LIPI: variants seen among roughly 807,000 people sequenced by gnomAD.
The protein encoded by LIPI is lipase I.
In LIPI, 59 loss-of-function variants were observed where a neutral mutation model predicts 50.6. The observed-to-expected ratio is 1.16, with a 90% CI of 0.94 to 1.45. The LOEUF (loss-of-function observed/expected upper bound fraction) is 1.45, where lower values mean the gene tolerates loss of function less well. LIPI is among the 40% of genes most tolerant of loss of function. LIPI has a pLI of 0.00. For missense variants in LIPI, 586 were observed against 536.3 expected, an observed-to-expected ratio of 1.09 and a Z score of -0.92; for synonymous variants, 203 against 178.2, an observed-to-expected ratio of 1.14 and a Z score of -1.11.
At chr21:14,127,955 C>G (rs8128757) in intron 9 of LIPI, among the ~76,000 whole-genome samples, 2 of 151,826 alleles carry the variant, frequency 1.3e-5, no homozygotes, top group Non-Finnish European at 2.9e-5. Flanking sequence ...ATAAAGGACA[C>G]TAAATTTAAT....
rs368650438 is a variant in LIPI, at chr21:14,189,297, C to T, written c.169G>A (p.Glu57Lys). Reference sequence around the variant, plus strand: ...GAGTTATTTTGTTCAAACAGTGGCTCAGCACAGTTTAGGTTGTTCCTTGTA... The same window carrying T: ...GAGTTATTTTGTTCAAACAGTGGCTTAGCACAGTTTAGGTTGTTCCTTGTA... ...MYTRNNLNCA[E>K]PLFEQNNSLN... The change falls in exon 2 of 10, where the codon GAG becomes AAG. Residue 57 changes from glutamate to lysine, a missense_variant. Coordinates refer to ENST00000681601, the MANE Select transcript of LIPI (RefSeq NM_001302998.2). 1 of 1,613,698 alleles carries T rather than the reference C, an allele frequency of 6.2e-7. No homozygotes were observed. The highest frequency in any genetic ancestry group is 1.3e-5 in the African/African-American group (1 of 74,904).
At chr21:14,125,490 G>A (rs754164326) in intron 9 of LIPI, among the ~76,000 whole-genome samples, 5 of 152,156 alleles carry the variant, frequency 3.3e-5, no homozygotes, top group Non-Finnish European at 5.9e-5. Flanking sequence ...GAGGAAAAAC[G>A]GAACAAAGGA....
intron 9 of LIPI, among the ~76,000 whole-genome samples, chr21:14,122,985 C>T (rs1568834345): frequency 6.6e-6 from 1 of 152,172 alleles, no homozygotes; most frequent in Non-Finnish European, 1.5e-5. Flanking sequence ...ATTTACTCAG[C>T]TAGCTGAAAG....
At chr21:14,113,546 T>C (rs957417664) in intron 9 of LIPI, among the ~76,000 whole-genome samples, 2 of 152,220 alleles carry the variant, frequency 1.3e-5, no homozygotes, top group African/African-American at 2.4e-5. Flanking sequence ...ATCACACTGT[T>C]GTACTATCAA....
At chr21:14,125,101 C>A (rs2017007967) in intron 9 of LIPI, among the ~76,000 whole-genome samples, 1 of 152,124 alleles carries the variant, frequency 6.6e-6, no homozygotes, top group South Asian at 2.1e-4. Context: ...AATTCACTAC[C>A]AGCACTATAC....
intron 1 of LIPI, among the ~76,000 whole-genome samples, chr21:14,206,202 C>T (rs1008030388): frequency 6.6e-6 from 1 of 152,226 alleles, no homozygotes; most frequent in South Asian, 2.1e-4. Flanking sequence ...GCATAGTGCC[C>T]TGGACGTGAG....
In LIPI at chr21:14,169,870, G is replaced by A. The variant is rs1600891726; in HGVS notation, c.644-3419C>T. 2.6e-5 allele frequency among the ~76,000 whole-genome samples: 4 copies of A among 152,110 alleles called. No homozygotes were observed. The East Asian group carries it at 7.7e-4, about 29-fold the overall frequency. On this transcript the variant is annotated intron_variant, in intron 4 of 9. Transcript: ENST00000681601. Reference sequence around the variant, plus strand: ...GCAAGAAATAACTAAAATCAGAGCAGAACTGAAGGAAATAGAGACACAAAA... The same window carrying A: ...GCAAGAAATAACTAAAATCAGAGCAAAACTGAAGGAAATAGAGACACAAAA...
chr21:14,144,908 GA>G (rs1460074539), intron 8 of LIPI, 109 bp from the exon 9 acceptor site: 27 of 650,220 alleles, frequency 4.2e-5, no homozygotes, highest in Non-Finnish European at 2.4e-5. Context: ...AAATTATAGG[GA>G]AAAGGCCAAA....
At chr21:14,175,933 C>T (rs1210753724) in intron 4 of LIPI, among the ~76,000 whole-genome samples, 2 of 152,196 alleles carry the variant, frequency 1.3e-5, no homozygotes, top group East Asian at 3.9e-4. Flanking sequence ...AATCCCAGCA[C>T]TTTGGGAGGC....
intron 5 of LIPI, 60 bp downstream of exon 5, chr21:14,166,302 G>T: frequency 1.0e-6 from 1 of 975,354 alleles, no homozygotes; most frequent in Non-Finnish European, 1.7e-6. Context: ...GGAAAAGTAA[G>T]TTATTTTCTT....
rs2017578574 is a variant in LIPI, at chr21:14,138,244, G to A, written c.1295+6379C>T. Among the ~76,000 whole-genome samples the A allele has an allele frequency of 4.6e-5, 7 of 151,876 alleles. No homozygotes were observed. In the South Asian group the frequency reaches 1.5e-3, roughly 32 times the overall value. ...ATTAAAAAATTAAAAAAGATTTCAG[G>A]ACAAGTAATATAACAGGATAGATAG... On this transcript the variant is annotated intron_variant, in intron 9 of 9. Transcript: ENST00000681601.
chr21:14,167,486 T>C (rs1311597911), intron 4 of LIPI, among the ~76,000 whole-genome samples: 1 of 152,002 alleles, frequency 6.6e-6, no homozygotes, highest in Non-Finnish European at 1.5e-5. Flanking sequence ...GACAGACACC[T>C]CACACAGCCG....
chr21:14,182,956 CAG>C (rs1479227787), intron 3 of LIPI, among the ~76,000 whole-genome samples: 1 of 152,132 alleles, frequency 6.6e-6, no homozygotes, highest in African/African-American at 2.4e-5. Context: ...ACTTTCTTCA[CAG>C]AATTCGAAAA....
At chr21:14,128,560 C>T (rs191936283) in intron 9 of LIPI, among the ~76,000 whole-genome samples, 9 of 152,076 alleles carry the variant, frequency 5.9e-5, no homozygotes, top group Admixed American at 5.2e-4. Context: ...TTAAATGTTT[C>T]CACTGTTACT....
At chr21:14,148,960 G>T (rs1057425966) in intron 8 of LIPI, among the ~76,000 whole-genome samples, 2 of 152,134 alleles carry the variant, frequency 1.3e-5, no homozygotes, top group African/African-American at 4.8e-5. Context: ...TATAATGTTT[G>T]TAAATTAACT....
chr21:14,164,513 C>T (rs1014927344), intron 6 of LIPI, among the ~76,000 whole-genome samples: 4 of 152,148 alleles, frequency 2.6e-5, no homozygotes, highest in Non-Finnish European at 4.4e-5. Flanking sequence ...ACTACCTATT[C>T]CTCGAACCCC....
At chr21:14,188,611 A>G (rs2019540128) in intron 2 of LIPI, among the ~76,000 whole-genome samples, 1 of 150,030 alleles carries the variant, frequency 6.7e-6, no homozygotes, top group African/African-American at 2.4e-5. Flanking sequence ...TACTTTTACC[A>G]ATTCACACTC....
chr21:14,127,582 C>T (rs1191590900), intron 9 of LIPI, among the ~76,000 whole-genome samples: 3 of 152,198 alleles, frequency 2.0e-5, no homozygotes, highest in Admixed American at 6.5e-5. Flanking sequence ...AATGACTTCA[C>T]CCTATTTTTT....
intron 1 of LIPI, among the ~76,000 whole-genome samples, chr21:14,194,550 G>GA (rs1453479991): frequency 1.3e-5 from 2 of 151,984 alleles, no homozygotes; most frequent in Non-Finnish European, 2.9e-5. Context: ...GACATAAAAG[G>GA]ACAAATACCA....
Sources: gnomAD v4.1 joint callset for allele counts (sites outside exome capture counted in the v4.1 genomes callset) on GRCh38, gnomAD v4.1.1 for gene constraint, MANE v1.5 for transcripts, NCBI Gene and HGNC (gene_info 2026-07-23, HGNC 2026-07-21) for gene names.